EIF4G3: variants seen among roughly 807,000 people sequenced by gnomAD.
EIF4G3 encodes the protein eIF-4-gamma 3.
In EIF4G3, 34 loss-of-function variants were observed where a neutral mutation model predicts 186.4. That is an observed-to-expected ratio of 0.18 (90% CI 0.14 to 0.24). The LOEUF is 0.24. EIF4G3 is among the 10% of genes least tolerant of loss of function. EIF4G3 has a pLI of 1.00. For synonymous variants in EIF4G3, 673 were observed against 679.5 expected, an observed-to-expected ratio of 0.99 and a Z score of 0.15; for missense variants, 1,536 against 1,948.5, an observed-to-expected ratio of 0.79 and a Z score of 3.99.
intron 2 of EIF4G3, among the ~76,000 whole-genome samples, chr1:21,142,641 C>T (rs2097360393): frequency 6.6e-6 from 1 of 152,108 alleles, no homozygotes; most frequent in African/African-American, 2.4e-5. Flanking sequence ...CCATTTAAAA[C>T]TCATAATAGC....
Position 20,807,158 on chromosome 1 carries a change from C to T in EIF4G3, c.*161G>A. The T allele has an allele frequency of 1.9e-6, 1 of 534,400 alleles. No individual in the cohort carries two copies. Among genetic ancestry groups the T allele is most frequent in the Non-Finnish European group, 3.1e-6 (1 of 326,912 alleles). The allele number at this position is 534,400 out of a possible 1,614,324, so 33.1% of individuals were successfully genotyped here. The stretch of plus-strand genomic sequence containing the variant: ...GTTTACTTTTATCCAGTACCTTTTT[C>T]CTCCATGATCACCTTTTTTTCTCTT... On this transcript the variant is annotated 3_prime_UTR_variant, in exon 37 of 37. Transcript: ENST00000602326.
intron 10 of EIF4G3, among the ~76,000 whole-genome samples, chr1:20,974,116 TAGAC>T (rs1430327153): frequency 6.6e-6 from 1 of 152,204 alleles, no homozygotes; most frequent in East Asian, 1.9e-4. Context: ...AGTTCAGTTT[TAGAC>T]AGGTCAAGTT....
chr1:20,808,737 C>G (rs949860622), intron 36 of EIF4G3, among the ~76,000 whole-genome samples: 2 of 152,146 alleles, frequency 1.3e-5, no homozygotes, highest in Non-Finnish European at 1.5e-5. Flanking sequence ...GCTATCTCAT[C>G]TGGATTTTAT....
intron 10 of EIF4G3, among the ~76,000 whole-genome samples, chr1:20,974,058 T>A (rs961099390): frequency 6.6e-6 from 1 of 152,162 alleles, no homozygotes; most frequent in African/African-American, 2.4e-5. Flanking sequence ...TACTACTTGC[T>A]AAGATGAGGA....
At chr1:20,955,278 CTGGAG>C (rs1484431903) in intron 12 of EIF4G3, among the ~76,000 whole-genome samples, 1 of 151,788 alleles carries the variant, frequency 6.6e-6, no homozygotes, top group East Asian at 1.9e-4. Flanking sequence ...GTCACCTTGG[CTGGAG>C]TGCAGTGGTG....
chr1:21,074,008 A>G (rs2095515354), intron 3 of EIF4G3, among the ~76,000 whole-genome samples: 1 of 152,032 alleles, frequency 6.6e-6, no homozygotes, highest in Admixed American at 6.6e-5. Context: ...TTTTACTTTC[A>G]TATGTTTTTC....
intron 25 of EIF4G3, among the ~76,000 whole-genome samples, chr1:20,855,743 T>C (rs1364323840): frequency 6.6e-6 from 1 of 152,198 alleles, no homozygotes; most frequent in Non-Finnish European, 1.5e-5. Flanking sequence ...TCATAATATA[T>C]ATGTTGCTAT....
At chr1:21,067,064 T>C (rs1262886299) in intron 3 of EIF4G3, among the ~76,000 whole-genome samples, 4 of 152,116 alleles carry the variant, frequency 2.6e-5, no homozygotes, top group Admixed American at 6.5e-5. Context: ...CCTTGTATCT[T>C]TAAGGTTAAT....
At position 20,819,693 on chromosome 1, in the gene EIF4G3, T is replaced by C. The variant is rs180710059; in HGVS notation, c.4369-2155A>G. Among the ~76,000 whole-genome samples, 660 of 151,658 alleles carry C rather than the reference T, an allele frequency of 4.4e-3. 3 individuals are homozygous for C. The highest frequency in any genetic ancestry group is 0.014 in the African/African-American group (596 of 41,314). ...ACACGAACCTATCAGAGGGCAGAGGTTGGGAGAAGGGAGAAGATCAGGAAA... is the reference window on the plus strand; with the variant it reads ...ACACGAACCTATCAGAGGGCAGAGGCTGGGAGAAGGGAGAAGATCAGGAAA... On this transcript the variant is annotated intron_variant, in intron 33 of 36. Coordinates refer to ENST00000602326, the MANE Select transcript of EIF4G3 (RefSeq NM_001391906.1).
At chr1:20,955,382 C>T (rs1345243059) in intron 12 of EIF4G3, among the ~76,000 whole-genome samples, 5 of 152,064 alleles carry the variant, frequency 3.3e-5, no homozygotes, top group Admixed American at 2.0e-4. Flanking sequence ...CAGGTGTGTA[C>T]CAACATGCCC....
chr1:20,818,615 C>T (rs2154545608), intron 33 of EIF4G3, among the ~76,000 whole-genome samples: 1 of 151,934 alleles, frequency 6.6e-6, no homozygotes. Context: ...GCTCTGCAGC[C>T]TGGCAATAGG....
At chr1:20,848,103 A>G (rs963623067) in intron 29 of EIF4G3, among the ~76,000 whole-genome samples, 1 of 151,978 alleles carries the variant, frequency 6.6e-6, no homozygotes, top group Non-Finnish European at 1.5e-5. Flanking sequence ...AGTAGCTGGG[A>G]CTACAGATGC....
At chr1:20,894,731 A>G (rs1437823026) in intron 17 of EIF4G3, among the ~76,000 whole-genome samples, 1 of 152,216 alleles carries the variant, frequency 6.6e-6, no homozygotes, top group African/African-American at 2.4e-5. Flanking sequence ...AAATACTTCA[A>G]GCTTAATCAT....
At chr1:21,037,841 C>T (rs1034101038) in intron 4 of EIF4G3, among the ~76,000 whole-genome samples, 5 of 152,178 alleles carry the variant, frequency 3.3e-5, no homozygotes, top group African/African-American at 9.7e-5. Context: ...TGTTCCTAAT[C>T]GGCTGTGGGA....
intron 2 of EIF4G3, among the ~76,000 whole-genome samples, 160 bp from the exon 3 acceptor site, chr1:21,089,373 C>T (rs1319046145): frequency 1.3e-5 from 2 of 152,134 alleles, no homozygotes; most frequent in Non-Finnish European, 2.9e-5. Context: ...TTCAAATGTC[C>T]TAAAATGACT....
At chr1:20,978,711 A>AGG (rs1300101730) in intron 10 of EIF4G3, among the ~76,000 whole-genome samples, 1 of 150,290 alleles carries the variant, frequency 6.7e-6, no homozygotes, top group African/African-American at 2.4e-5. Context: ...TGGTATGTAT[A>AGG]GGGTACTATG....
chr1:20,945,140 T>C lies in EIF4G3; in HGVS notation c.824-2810A>G, dbSNP rs929659883. Reference sequence around the variant, plus strand: ...AAGCTAAAAACACAGTAGAGCTAAATTAAAAAAAAAAACACTTATTTTATC... The same window carrying C: ...AAGCTAAAAACACAGTAGAGCTAAACTAAAAAAAAAAACACTTATTTTATC... On this transcript the variant is annotated intron_variant, in intron 13 of 36. Transcript: ENST00000602326. 8.6e-5 allele frequency among the ~76,000 whole-genome samples: 13 copies of C among 151,006 alleles called. No homozygotes were observed. In the Admixed American group the frequency reaches 8.6e-4, roughly 10 times the overall value.
Position 20,825,159 on chromosome 1 carries a change from G to C in EIF4G3, c.4309C>G (p.Leu1437Val). The C allele has an allele frequency of 6.2e-7, 1 of 1,612,532 alleles. No individual in the cohort carries two copies. The highest frequency in any genetic ancestry group is 8.5e-7 in the Non-Finnish European group (1 of 1,179,494). ...TCTGGTAAAAAGTCCTTCCAGCTGA[G>C]GTCAGCCTCCCTCCATAAGGCTCCC... Reference protein sequence around the residue: ...KVGALWREADLSWKDFLPEGE... With the variant: ...KVGALWREADVSWKDFLPEGE... The change falls in exon 33 of 37, where the codon CTC (leucine) becomes GTC (valine). Residue 1437 changes from leucine (L) to valine (V), a missense_variant. Transcript: ENST00000602326.
At position 20,883,549 on chromosome 1, in the gene EIF4G3, G is replaced by C. The variant is rs932100728; in HGVS notation, c.2424+2652C>G. Among the ~76,000 whole-genome samples, 11 of 152,094 alleles carry C rather than the reference G, an allele frequency of 7.2e-5. No individual in the cohort carries two copies. The East Asian group carries it at 1.9e-3, about 27-fold the overall frequency. On this transcript the variant is annotated intron_variant, in intron 19 of 36. Coordinates refer to ENST00000602326, the MANE Select transcript of EIF4G3 (RefSeq NM_001391906.1). The stretch of plus-strand genomic sequence containing the variant: ...GAAGAATCACTTGAACCTGGGAGGC[G>C]GAGGCTGCAGTGAGCCAAGATCGCA...
Sources: gnomAD v4.1 joint callset for allele counts (sites outside exome capture counted in the v4.1 genomes callset) on GRCh38, gnomAD v4.1.1 for gene constraint, MANE v1.5 for transcripts, NCBI Gene and HGNC (gene_info 2026-07-23, HGNC 2026-07-21) for gene names.